Variants in GRM7 observed in about 807,000 individuals in gnomAD.
GRM7 encodes glutamate metabotropic receptor 7, also known as metabotropic glutamate receptor 7.
A neutral mutation model predicts 84.5 loss-of-function variants in GRM7; 35 were observed. The observed-to-expected ratio is 0.41, with a 90% CI of 0.32 to 0.55. The LOEUF is 0.55. Ranked by LOEUF, GRM7 falls within the 20% of genes least tolerant of loss-of-function variation. GRM7 has a pLI of 0.19. For synonymous variants in GRM7, 487 were observed against 455.1 expected, an observed-to-expected ratio of 1.07 and a Z score of -0.89; for missense variants, 1,003 against 1,194.6, an observed-to-expected ratio of 0.84 and a Z score of 2.36.
intron 5 of GRM7, among the ~76,000 whole-genome samples, chr3:7,439,835 G>C (rs11712072): frequency 0.51 from 76,598 of 151,194 alleles, 20,103 homozygotes; most frequent in Non-Finnish European, 0.59. Flanking sequence ...TTGAGGAGTA[G>C]TCAATGTGGA....
At chr3:7,043,865 C>T (rs1426415751) in intron 1 of GRM7, among the ~76,000 whole-genome samples, 1 of 152,174 alleles carries the variant, frequency 6.6e-6, no homozygotes, top group Non-Finnish European at 1.5e-5. Flanking sequence ...CTCCGCCTCC[C>T]AGAGGAGTCT....
intron 2 of GRM7, among the ~76,000 whole-genome samples, chr3:7,276,552 A>G (rs1448919665): frequency 6.6e-6 from 1 of 151,940 alleles, no homozygotes; most frequent in Admixed American, 6.6e-5. Flanking sequence ...ATCTTAGATG[A>G]AAATGGCGGT....
intron 1 of GRM7, among the ~76,000 whole-genome samples, chr3:7,052,720 GT>G (rs372132445): frequency 1.2e-3 from 126 of 101,514 alleles, no homozygotes; most frequent in South Asian, 2.6e-3. Context: ...AGTATCGGTA[GT>G]TTTTTTTTTT....
At chr3:7,258,459 T>A (rs879934461) in intron 2 of GRM7, among the ~76,000 whole-genome samples, 5 of 152,164 alleles carry the variant, frequency 3.3e-5, no homozygotes, top group African/African-American at 4.8e-5. Context: ...GTGGTAGGAA[T>A]AAGGGTACCA....
chr3:7,128,513 T>TG (rs1284236836), intron 1 of GRM7, among the ~76,000 whole-genome samples: 1 of 80,808 alleles, frequency 1.2e-5, no homozygotes, highest in African/African-American at 5.7e-5. Context: ...TCCTTGTTTT[T>TG]TTTTTTTTTT....
chr3:7,034,195 A>G (rs886260617), intron 1 of GRM7, among the ~76,000 whole-genome samples: 1 of 152,154 alleles, frequency 6.6e-6, no homozygotes, highest in Non-Finnish European at 1.5e-5. Flanking sequence ...TTTTGTTCCT[A>G]AATTGCTGTC....
chr3:7,241,493 C>T (rs1697556517), intron 2 of GRM7, among the ~76,000 whole-genome samples: 1 of 152,080 alleles, frequency 6.6e-6, no homozygotes, highest in African/African-American at 2.4e-5. Context: ...AAGACCATCT[C>T]ATCAATCTGA....
At chr3:7,462,731 C>G (rs1420991476) in intron 7 of GRM7, among the ~76,000 whole-genome samples, 1 of 152,224 alleles carries the variant, frequency 6.6e-6, no homozygotes, top group South Asian at 2.1e-4. Flanking sequence ...TTGCACAGAG[C>G]CTTAGCCTAG....
intron 4 of GRM7, among the ~76,000 whole-genome samples, chr3:7,380,115 G>T (rs1390834368): frequency 1.3e-5 from 2 of 152,094 alleles, no homozygotes; most frequent in Non-Finnish European, 2.9e-5. Flanking sequence ...TGAAATATGG[G>T]AGGTCCATAT....
At chr3:7,704,892 C>T (rs951181496) in intron 9 of GRM7, among the ~76,000 whole-genome samples, 1 of 152,138 alleles carries the variant, frequency 6.6e-6, no homozygotes, top group African/African-American at 2.4e-5. Context: ...CTTGGCCATG[C>T]TTTACGGCAG....
At chr3:7,159,706 C>T (rs61527596) in intron 2 of GRM7, among the ~76,000 whole-genome samples, 2,995 of 152,170 alleles carry the variant, frequency 0.02, 73 homozygotes, top group African/African-American at 0.058. Context: ...ATGTGTGGGT[C>T]GCCCTGTCCT....
chr3:7,168,578 T>C (rs987458094), intron 2 of GRM7, among the ~76,000 whole-genome samples: 1 of 152,284 alleles, frequency 6.6e-6, no homozygotes, highest in African/African-American at 2.4e-5. Flanking sequence ...TCCAGAACTA[T>C]GAGAAATAAA....
At chr3:7,665,661 T>C (rs2125127673) in intron 8 of GRM7, among the ~76,000 whole-genome samples, 1 of 125,830 alleles carries the variant, frequency 7.9e-6, no homozygotes, top group African/African-American at 3.3e-5. Flanking sequence ...TACAATCTAC[T>C]CTTTCATTAA....
rs1187299857 is a variant in GRM7 at position 7,452,786 on chromosome 3, A to G, written c.1354A>G (p.Ile452Val). The part of the protein sequence containing the change: ...QAGGKKLLKY[I>V]RNVNFNGSAG... ...TGGAGGCAAGAAGTTGCTGAAGTAT[A>G]TACGCAATGTTAATTTCAATGGTGA... Residue 452 changes from isoleucine to valine, a missense_variant, in exon 6 of 10, where the codon ATA becomes GTA. This residue lies in a region of GRM7 where 910 missense variants were observed against 1,126.0 expected (regional missense o/e 0.81). Coordinates refer to ENST00000357716, the MANE Select transcript of GRM7 (RefSeq NM_000844.4). 5.0e-6 allele frequency: 8 copies of G among 1,611,444 alleles called. No homozygotes were observed. The highest frequency in any genetic ancestry group is 6.8e-6 in the Non-Finnish European group (8 of 1,177,884).
intron 1 of GRM7, among the ~76,000 whole-genome samples, chr3:6,971,387 TC>T (rs1011341879): frequency 3.3e-5 from 5 of 152,172 alleles, no homozygotes; most frequent in African/African-American, 1.2e-4. Context: ...CTGAACAATT[TC>T]CCAATTAGTT....
chr3:7,703,934 C>G (rs1031837509), intron 9 of GRM7, among the ~76,000 whole-genome samples: 4 of 152,184 alleles, frequency 2.6e-5, no homozygotes, highest in African/African-American at 9.6e-5. Flanking sequence ...ACTATCTTGT[C>G]TCCAAAATAA....
intron 1 of GRM7, among the ~76,000 whole-genome samples, chr3:7,064,121 C>T (rs1031876669): frequency 1.5e-4 from 23 of 151,024 alleles, no homozygotes; most frequent in Admixed American, 1.5e-3. Context: ...TATTGAGGAA[C>T]AGGTGGTATC....
intron 2 of GRM7, among the ~76,000 whole-genome samples, chr3:7,287,556 G>T (rs1699473189): frequency 6.6e-6 from 1 of 152,114 alleles, no homozygotes; most frequent in Non-Finnish European, 1.5e-5. Context: ...AAGAAGCATA[G>T]CTGATAAAAG....
Position 7,550,567 on chromosome 3 carries a change from CTCTCTCTCTCTG to C in GRM7, c.1516-27853_1516-27842del, listed in dbSNP as rs1373386991. On this transcript the variant is annotated intron_variant, in intron 7 of 9. Transcript: ENST00000357716. ...TTTTCTTCTCTCTCTCTCTCTCTCT[CTCTCTCTCTCTG>C]TGTGTGTGTGTGTGTGTGTGTGTGT... Among the ~76,000 whole-genome samples the C allele has an allele frequency of 7.7e-3, 785 of 101,886 alleles. 6 individuals carry two copies. The highest frequency in any genetic ancestry group is 0.023 in the African/African-American group (726 of 31,636). 66.8% of individuals were successfully genotyped at this position (101,886 alleles called of 152,430 possible). A position where few individuals can be genotyped will look rare whatever the true frequency, so the allele number is the denominator to read the frequency against.
Sources: gnomAD v4.1 joint callset for allele counts (sites outside exome capture counted in the v4.1 genomes callset) on GRCh38, gnomAD v4.1.1 for gene constraint, gnomAD v4.1.1 regional missense constraint, MANE v1.5 for transcripts, NCBI Gene and HGNC (gene_info 2026-07-23, HGNC 2026-07-21) for gene names.